The following POLR1A variants were observed in gnomAD, a reference collection of about 807,000 sequenced individuals.
POLR1A encodes RNA polymerase I subunit A.
A neutral mutation model predicts 205.3 loss-of-function variants in POLR1A; 84 were observed. The observed-to-expected ratio is 0.41, with a 90% CI of 0.34 to 0.49. POLR1A has a LOEUF of 0.49. Ranked by LOEUF, POLR1A falls within the 20% of genes least tolerant of loss-of-function variation. The pLI, the probability that POLR1A is intolerant of heterozygous loss-of-function variation, is 0.22. For missense variants in POLR1A, 1,645 were observed against 2,204.5 expected, an observed-to-expected ratio of 0.75 and a Z score of 5.08; for synonymous variants, 799 against 863.7, an observed-to-expected ratio of 0.93 and a Z score of 1.31.
Position 86,105,689 on chromosome 2 carries a change from C to G in POLR1A, c.77+11G>C, listed in dbSNP as rs774467273. On this transcript the variant is annotated intron_variant, in intron 1 of 33. Coordinates refer to ENST00000263857, the MANE Select transcript of POLR1A (RefSeq NM_015425.6). ...ATCCAGGCTGGGCACGCTACCCGACCAACTCCTTACTTGAGCTCTTCAGCC... is the reference window on the plus strand; with the variant it reads ...ATCCAGGCTGGGCACGCTACCCGACGAACTCCTTACTTGAGCTCTTCAGCC... The G allele has an allele frequency of 6.2e-7, 1 of 1,601,772 alleles. No individual in the cohort carries two copies. The highest frequency in any genetic ancestry group is 1.7e-5 in the Admixed American group (1 of 59,996).
rs1672856684 is a variant in POLR1A at position 86,054,227 on chromosome 2, T to G, written c.2121A>C (p.Gly707=). The G allele has an allele frequency of 6.2e-7, 1 of 1,614,000 alleles. No individual in the cohort carries two copies. The highest frequency in any genetic ancestry group is 8.5e-7 in the Non-Finnish European group (1 of 1,179,860). ...AGGCTTTCCCAGTGATTTTCGCCTT[T>G]CCAGATAAGTTCAGTGGGATGTGGT... ...PEDHIPLNLS[G]KAKITGKAWV... is the part of the protein sequence containing the mutation. Residue 707 remains glycine, a synonymous_variant, in exon 15 of 34, where the codon GGA becomes GGC. Transcript: ENST00000263857.
In POLR1A at chr2:86,043,057, A is replaced by G. The variant is rs764115834; in HGVS notation, c.3274T>C (p.Tyr1092His). The change falls in exon 23 of 34, where the codon TAT becomes CAT. Residue 1092 changes from tyrosine to histidine, a missense_variant. This residue lies in a region of POLR1A where 201 missense variants were observed against 222.3 expected (regional missense o/e 0.90). Coordinates refer to ENST00000263857, the MANE Select transcript of POLR1A (RefSeq NM_015425.6). ...TLLRRGAFLS[Y>H]SQKIQEAVKA... ...ACAGCTTCCTGAATTTTCTGGGAATAACTCAAGAAGGCGCCTCTTCTCAGC... is the reference window on the plus strand; with the variant it reads ...ACAGCTTCCTGAATTTTCTGGGAATGACTCAAGAAGGCGCCTCTTCTCAGC... 3 of 1,614,186 alleles carry G rather than the reference A, an allele frequency of 1.9e-6. No homozygotes were observed. The highest frequency in any genetic ancestry group is 2.5e-6 in the Non-Finnish European group (3 of 1,180,032).
chr2:86,064,094 G>T (rs1023446406), intron 14 of POLR1A, among the ~76,000 whole-genome samples: 24 of 152,142 alleles, frequency 1.6e-4, no homozygotes, highest in African/African-American at 5.8e-4. Context: ...ATAAAATTAG[G>T]AAATAGGTCC....
rs1206619413 is a variant in POLR1A, at chr2:86,042,157, A to G, written c.3358-54T>C. On this transcript the variant is annotated intron_variant, in intron 23 of 33. Transcript: ENST00000263857. ...TGGGAGGGATACCCAGTAGCATAAG[A>G]GGGATCAAAAGCATTGGCTTCCAAT... 2.4e-6 allele frequency: 3 copies of G among 1,253,634 alleles called. No individual in the cohort carries two copies. The East Asian group carries it at 7.0e-5, about 29-fold the overall frequency. The allele number at this position is 1,253,634 out of a possible 1,614,324, so 77.7% of individuals were successfully genotyped here.
At chr2:86,044,448 A>C in intron 21 of POLR1A, 144 bp from the exon 22 acceptor site, 1 of 799,790 alleles carries the variant, frequency 1.3e-6, no homozygotes, top group Non-Finnish European at 2.0e-6. Context: ...GCTAGATCCA[A>C]TGCCCCGGGG....
In POLR1A at chr2:86,038,839, C is replaced by G. The variant is rs751377255; in HGVS notation, c.3895G>C (p.Val1299Leu). Reference sequence around the variant, plus strand: ...TCTTCCATACAGAAGGACTCCTGGACGTCAATTTTCTGCAACACCTGGAAC... The same window carrying G: ...TCTTCCATACAGAAGGACTCCTGGAGGTCAATTTTCTGCAACACCTGGAAC... ...CLGEVLQKID[V>L]QESFCMEEKQ... The change falls in exon 27 of 34, where the codon GTC becomes CTC. Residue 1299 changes from valine to leucine, a missense_variant. Coordinates refer to ENST00000263857, the MANE Select transcript of POLR1A (RefSeq NM_015425.6). 1 of 1,614,068 alleles carries G rather than the reference C, an allele frequency of 6.2e-7. No individual in the cohort carries two copies. The highest frequency in any genetic ancestry group is 8.5e-7 in the Non-Finnish European group (1 of 1,179,966).
chr2:86,090,066 C>T (rs1673574621), intron 3 of POLR1A, 137 bp from the exon 4 acceptor site: 1 of 603,500 alleles, frequency 1.7e-6, no homozygotes, highest in African/African-American at 1.9e-5. Flanking sequence ...CTGTGTTGCA[C>T]TTTCAAAAGA....
chr2:86,049,256 C>T lies in POLR1A; in HGVS notation c.2393-14G>A. ...TGTCTTCCACGCCTGTGAAGTGAAA[C>T]AGACAAGCTTGTAGGCGACCTCAGG... is the stretch of plus-strand genomic sequence containing the variant. On this transcript the variant is annotated splice_polypyrimidine_tract_variant and intron_variant, in intron 16 of 33. Coordinates refer to ENST00000263857, the MANE Select transcript of POLR1A (RefSeq NM_015425.6). 1 of 1,606,134 alleles carries T rather than the reference C, an allele frequency of 6.2e-7. No individual in the cohort carries two copies. Among genetic ancestry groups the T allele is most frequent in the African/African-American group, 1.3e-5 (1 of 74,886 alleles).
intron 27 of POLR1A, among the ~76,000 whole-genome samples, chr2:86,037,270 G>T (rs1052375843): frequency 6.6e-6 from 1 of 152,230 alleles, no homozygotes; most frequent in Non-Finnish European, 1.5e-5. Context: ...ACCAACGCAG[G>T]TGCTCCTGAG....
intron 13 of POLR1A, among the ~76,000 whole-genome samples, chr2:86,067,766 A>G (rs1157522992): frequency 6.6e-6 from 1 of 152,218 alleles, no homozygotes; most frequent in Non-Finnish European, 1.5e-5. Context: ...CTGCCAATAA[A>G]GACATGTTGC....
At chr2:86,050,854 C>G (rs1573811538) in intron 16 of POLR1A, among the ~76,000 whole-genome samples, 1 of 152,320 alleles carries the variant, frequency 6.6e-6, no homozygotes, top group East Asian at 1.9e-4. Context: ...GTACTCTAGT[C>G]TGGTTCCCAA....
At chr2:86,035,651 C>G (rs1252711969) in intron 27 of POLR1A, among the ~76,000 whole-genome samples, 1 of 152,222 alleles carries the variant, frequency 6.6e-6, no homozygotes, top group African/African-American at 2.4e-5. Context: ...CTCTAACTGC[C>G]CATCTGCTCC....
rs1672622002 is a variant in POLR1A at position 86,042,109 on chromosome 2, C to A, written c.3358-6G>T. The A allele has an allele frequency of 6.2e-7, 1 of 1,605,266 alleles. No individual in the cohort carries two copies. Among genetic ancestry groups the A allele is most frequent in the African/African-American group, 1.3e-5 (1 of 74,710 alleles). On this transcript the variant is annotated splice_region_variant and splice_polypyrimidine_tract_variant and intron_variant, in intron 23 of 33. Coordinates refer to ENST00000263857, the MANE Select transcript of POLR1A (RefSeq NM_015425.6). ...TCATACCACATCCTCAGCATCTGAACAGAAGGATGGGTCTCAGCTATGTGG... is the reference window on the plus strand; with the variant it reads ...TCATACCACATCCTCAGCATCTGAAAAGAAGGATGGGTCTCAGCTATGTGG...
At chr2:86,100,541 T>C (rs2104438216) in intron 1 of POLR1A, among the ~76,000 whole-genome samples, 1 of 152,026 alleles carries the variant, frequency 6.6e-6, no homozygotes, top group East Asian at 1.9e-4. Flanking sequence ...CTGTCTTTTT[T>C]TTTTTTTTTT....
Position 86,031,311 on chromosome 2 carries a change from C to T in POLR1A, c.4578+19G>A, listed in dbSNP as rs771295678. ...GCTGGACCAACCACCCAAGCCCTGGCCTGCACGGCCACACTGACCTGGCAC... is the reference window on the plus strand; with the variant it reads ...GCTGGACCAACCACCCAAGCCCTGGTCTGCACGGCCACACTGACCTGGCAC... On this transcript the variant is annotated intron_variant, in intron 30 of 33. Coordinates refer to ENST00000263857, the MANE Select transcript of POLR1A (RefSeq NM_015425.6). The T allele has an allele frequency of 5.2e-6, 8 of 1,530,114 alleles. No individual in the cohort carries two copies. The South Asian group carries it at 8.9e-5, about 17-fold the overall frequency. 94.8% of individuals were successfully genotyped at this position (1,530,114 alleles called of 1,614,324 possible). A position where few individuals can be genotyped will look rare whatever the true frequency, so the allele number is the denominator to read the frequency against.
chr2:86,050,490 G>A (rs1672783716), intron 16 of POLR1A, among the ~76,000 whole-genome samples: 1 of 152,126 alleles, frequency 6.6e-6, no homozygotes, highest in Non-Finnish European at 1.5e-5. Flanking sequence ...GACCCCGCTA[G>A]CTGAGACGGG....
chr2:86,045,249 C>A, intron 21 of POLR1A, 29 bp downstream of exon 21: 1 of 1,477,770 alleles, frequency 6.8e-7, no homozygotes, highest in Non-Finnish European at 9.5e-7. Context: ...TGGCACTCTA[C>A]CTCAAGGGGC....
rs761406855 is a variant in POLR1A, at chr2:86,089,967, T to C, written c.433-38A>G. 8.5e-6 allele frequency: 9 copies of C among 1,052,906 alleles called. No homozygotes were observed. The East Asian group carries it at 1.4e-4, about 17-fold the overall frequency. The allele number at this position is 1,052,906 out of a possible 1,614,324, so 65.2% of individuals were successfully genotyped here. On this transcript the variant is annotated intron_variant, in intron 3 of 33. Transcript: ENST00000263857. ...GAGGAAAACTCCATTATCACAGTAA[T>C]GTACACCTCTGATGAGCAGCACAAC...
At position 86,020,334 on chromosome 2, in the gene POLR1A, G is replaced by T. The variant is rs1036810683; in HGVS notation, c.*7089C>A. 3.3e-5 allele frequency: 5 copies of T among 152,090 alleles called. No homozygotes were observed. Among genetic ancestry groups the T allele is most frequent in the African/African-American group, 1.2e-4 (5 of 41,402 alleles). The allele number at this position is 152,090 out of a possible 1,614,324, so 9.4% of individuals were successfully genotyped here. ...TTGGAAGGTGAAGGCAGCAGATCGT[G>T]TGAGCTCAGGAGTTTGAGCCTGGGC... is the stretch of plus-strand genomic sequence containing the variant. On this transcript the variant is annotated 3_prime_UTR_variant, in exon 34 of 34. Transcript: ENST00000263857.
Sources: gnomAD v4.1 joint callset for allele counts (sites outside exome capture counted in the v4.1 genomes callset) on GRCh38, gnomAD v4.1.1 for gene constraint, gnomAD v4.1.1 regional missense constraint, MANE v1.5 for transcripts, NCBI Gene and HGNC (gene_info 2026-07-23, HGNC 2026-07-21) for gene names.